TSPYL1: variants seen among roughly 807,000 people sequenced by gnomAD.
TSPYL1 encodes the protein TSPY like 1, also known as testis-specific Y-encoded-like protein 1.
In TSPYL1, 16 loss-of-function variants were observed where a neutral mutation model predicts 20.1. The ratio of observed to expected loss-of-function variants is 0.80; its 90% CI spans 0.54 to 1.21. The LOEUF is 1.21. Ranked by LOEUF, TSPYL1 falls within the 50% of genes most tolerant of loss-of-function variation. TSPYL1 has a pLI of 0.00. For synonymous variants in TSPYL1, 259 were observed against 227.1 expected (o/e 1.14, Z -1.26); for missense variants, 560 against 569.3 (o/e 0.98, Z 0.17).
Position 116,278,313 on chromosome 6 carries a change from T to G in TSPYL1, c.*204A>C, listed in dbSNP as rs965515679. 3.2e-6 allele frequency: 2 copies of G among 622,280 alleles called. No individual in the cohort carries two copies. Among genetic ancestry groups the G allele is most frequent in the East Asian group, 5.8e-5 (2 of 34,572 alleles). 38.5% of individuals were successfully genotyped at this position (622,280 alleles called of 1,614,324 possible). On this transcript the variant is annotated 3_prime_UTR_variant, in exon 1 of 1. Coordinates refer to ENST00000368608, the MANE Select transcript of TSPYL1 (RefSeq NM_003309.4). ...TAGCATGTGATATTCCAGAACAGCA[T>G]GAAGGTCATATGGAAGTGGAGAAGC...
Position 116,278,282 on chromosome 6 carries a change from A to C in TSPYL1, c.*235T>G. ...TGGCTTACAAGTAGTGTGAAGGATG[A>C]CCTCGTAGCATGTGATATTCCAGAA... On this transcript the variant is annotated 3_prime_UTR_variant, in exon 1 of 1. Transcript: ENST00000368608. 1 of 542,902 alleles carries C rather than the reference A, an allele frequency of 1.8e-6. No homozygotes were observed. The highest frequency in any genetic ancestry group is 3.3e-6 in the Non-Finnish European group (1 of 301,118). 33.6% of individuals were successfully genotyped at this position (542,902 alleles called of 1,614,324 possible). A position where few individuals can be genotyped will look rare whatever the true frequency, so the allele number is the denominator to read the frequency against.
rs760666890 is a variant in TSPYL1 at position 116,278,524 on chromosome 6, G to C, written c.1307C>G (p.Ser436Cys). Reference sequence around the variant, plus strand: ...TATTCCCAAGGGCAAATGTTAACCAGACTGGAACCCAAAGGGCCTGGGGAT... The same window carrying C: ...TATTCCCAAGGGCAAATGTTAACCACACTGGAACCCAAAGGGCCTGGGGAT... ...VEIPRPFGFQ[S>C]G The change falls in exon 1 of 1, where the codon TCT becomes TGT. Residue 436 changes from serine (S) to cysteine (C), a missense_variant. Coordinates refer to ENST00000368608, the MANE Select transcript of TSPYL1 (RefSeq NM_003309.4). The C allele has an allele frequency of 2.4e-5, 38 of 1,613,936 alleles. No individual in the cohort carries two copies. The highest frequency in any genetic ancestry group is 4.2e-6 in the Non-Finnish European group (5 of 1,180,046).
rs2114625844 is a variant in TSPYL1, at chr6:116,276,423, C to T, written c.*2094G>A. Among the ~76,000 whole-genome samples the T allele has an allele frequency of 6.6e-6, 1 of 152,170 alleles. No individual in the cohort carries two copies. Among genetic ancestry groups the T allele is most frequent in the East Asian group, 1.9e-4 (1 of 5,200 alleles). ...ACATGGAAAAAAGTGATTGAGTAAG[C>T]AGTTGCAACTGCTAACGTTTTAAGG... On this transcript the variant is annotated 3_prime_UTR_variant, in exon 1 of 1. Transcript: ENST00000368608.
Position 116,275,616 on chromosome 6 carries a change from T to C in TSPYL1, c.*2901A>G, listed in dbSNP as rs1417213780. Reference sequence around the variant, plus strand: ...GAGATGGAGACCATCCTGGCTAACATGGTGAAACCCCATCTCTACTAAAAA... The same window carrying C: ...GAGATGGAGACCATCCTGGCTAACACGGTGAAACCCCATCTCTACTAAAAA... On this transcript the variant is annotated 3_prime_UTR_variant, in exon 1 of 1. Coordinates refer to ENST00000368608, the MANE Select transcript of TSPYL1 (RefSeq NM_003309.4). Among the ~76,000 whole-genome samples, 1 of 152,094 alleles carries C rather than the reference T, an allele frequency of 6.6e-6. No homozygotes were observed. Among genetic ancestry groups the C allele is most frequent in the Non-Finnish European group, 1.5e-5 (1 of 68,004 alleles).
chr6:116,279,852 C>A lies in TSPYL1; in HGVS notation c.-22G>T, dbSNP rs373866929. The A allele has an allele frequency of 5.0e-6, 8 of 1,613,062 alleles. No homozygotes were observed. The Middle Eastern group carries it at 4.9e-4, about 100-fold the overall frequency. ...TCATGTTGCTAACAGTCGGACCAAC[C>A]GCAGGCGAACGCCCGTTTTCCTCAG... On this transcript the variant is annotated 5_prime_UTR_variant, in exon 1 of 1. Transcript: ENST00000368608.
At position 116,275,003 on chromosome 6, in the gene TSPYL1, A is replaced by G. The variant is rs766491560; in HGVS notation, c.*3514T>C. ...CAAAATGAGGATAATTAATTTTTCA[A>G]TATATTTTAACACAATGTCAAAAAT... On this transcript the variant is annotated 3_prime_UTR_variant, in exon 1 of 1. Transcript: ENST00000368608. Among the ~76,000 whole-genome samples, 15 of 152,230 alleles carry G rather than the reference A, an allele frequency of 9.9e-5. No individual in the cohort carries two copies. The highest frequency in any genetic ancestry group is 1.9e-4 in the Non-Finnish European group (13 of 68,040).
rs1477423556 is a variant in TSPYL1, at chr6:116,275,924, C to A, written c.*2593G>T. Among the ~76,000 whole-genome samples the A allele has an allele frequency of 2.6e-5, 4 of 152,054 alleles. No individual in the cohort carries two copies. Among genetic ancestry groups the A allele is most frequent in the African/African-American group, 7.2e-5 (3 of 41,386 alleles). ...CATGGGAAAAACATGAAAATATAAT[C>A]TCTGTATTTTATTTTACTGTATCAC... On this transcript the variant is annotated 3_prime_UTR_variant, in exon 1 of 1. Coordinates refer to ENST00000368608, the MANE Select transcript of TSPYL1 (RefSeq NM_003309.4).
chr6:116,279,260 C>G lies in TSPYL1; in HGVS notation c.571G>C (p.Glu191Gln). ...CCTTCTGGCGGCTGCTCCTCTACCT[C>G]CATCTGCTCCTCCATTACCTCCTTC... Reference protein sequence around the residue: ...AEKEVMEEQMEVEEQPPEGEE... With the variant: ...AEKEVMEEQMQVEEQPPEGEE... Residue 191 changes from glutamate (E) to glutamine (Q), a missense_variant, in exon 1 of 1, where the codon GAG becomes CAG. By Grantham distance (29) the Glu-to-Gln change is conservative (BLOSUM62 2). Coordinates refer to ENST00000368608, the MANE Select transcript of TSPYL1 (RefSeq NM_003309.4). 6.2e-7 allele frequency: 1 copy of G among 1,606,950 alleles called. No homozygotes were observed. The highest frequency in any genetic ancestry group is 8.5e-7 in the Non-Finnish European group (1 of 1,179,200).
Position 116,274,874 on chromosome 6 carries a change from T to G in TSPYL1, c.*3643A>C, listed in dbSNP as rs1773053160. 6.6e-6 allele frequency among the ~76,000 whole-genome samples: 1 copy of G among 152,200 alleles called. No homozygotes were observed. Among genetic ancestry groups the G allele is most frequent in the Non-Finnish European group, 1.5e-5 (1 of 68,044 alleles). On this transcript the variant is annotated 3_prime_UTR_variant, in exon 1 of 1. Transcript: ENST00000368608. The stretch of plus-strand genomic sequence containing the variant: ...TCAGGAGGAGAAAGTATTAACATGT[T>G]TAATTTTTACAGATATTTTATATGC...
Position 116,279,099 on chromosome 6 carries a change from A to C in TSPYL1, c.732T>G (p.Ala244=), listed in dbSNP as rs767941745. 1 of 1,613,814 alleles carries C rather than the reference A, an allele frequency of 6.2e-7. No homozygotes were observed. The highest frequency in any genetic ancestry group is 8.5e-7 in the Non-Finnish European group (1 of 1,179,836). Residue 244 remains alanine, a synonymous_variant, in exon 1 of 1, where the codon GCT becomes GCG. Transcript: ENST00000368608. The part of the protein sequence containing the change: ...AIQLELDTVN[A]QADRAFQQLE... ...GCTGTTGGAAGGCCCTGTCGGCCTG[A>C]GCATTCACAGTGTCCAGTTCCAGCT...
Position 116,278,896 on chromosome 6 carries a change from A to G in TSPYL1, c.935T>C (p.Leu312Pro), listed in dbSNP as rs1773300585. ...CTTGCAACCGGTTCTAGGGTGTCTG[A>G]GTTCCTTCACCTCTAAATTGGTTAT... ...RYITNLEVKE[L>P]RHPRTGCKFK... is the part of the protein sequence containing the mutation. Residue 312 changes from leucine (L) to proline (P), a missense_variant, in exon 1 of 1, where the codon CTC becomes CCC. By Grantham distance (98) the Leu-to-Pro change is moderately conservative. Transcript: ENST00000368608. The G allele has an allele frequency of 1.9e-6, 3 of 1,614,138 alleles. No homozygotes were observed. In the East Asian group the frequency reaches 6.7e-5, roughly 36 times the overall value.
At position 116,278,572 on chromosome 6, in the gene TSPYL1, C is replaced by T. The variant is rs751770322; in HGVS notation, c.1259G>A (p.Arg420His). 2 of 1,614,110 alleles carry T rather than the reference C, an allele frequency of 1.2e-6. No individual in the cohort carries two copies. The highest frequency in any genetic ancestry group is 1.7e-6 in the Non-Finnish European group (2 of 1,180,026). The change falls in exon 1 of 1, where the codon CGC becomes CAC. Residue 420 changes from arginine (R) to histidine (H), a missense_variant. Coordinates refer to ENST00000368608, the MANE Select transcript of TSPYL1 (RefSeq NM_003309.4). Reference sequence around the variant, plus strand: ...GATCTCTACAGGCTCCCTTAGCGGGCGACGTCGGGCTCTACGGACTCCTTC... The same window carrying T: ...GATCTCTACAGGCTCCCTTAGCGGGTGACGTCGGGCTCTACGGACTCCTTC... Reference protein sequence around the residue: ...LREGVRRARRRPLREPVEIPR... With the variant: ...LREGVRRARRHPLREPVEIPR...
chr6:116,278,963 A>C lies in TSPYL1; in HGVS notation c.868T>G (p.Ser290Ala). 1 of 1,614,056 alleles carries C rather than the reference A, an allele frequency of 6.2e-7. No individual in the cohort carries two copies. The highest frequency in any genetic ancestry group is 8.5e-7 in the Non-Finnish European group (1 of 1,180,026). Residue 290 changes from serine (S) to alanine (A), a missense_variant, in exon 1 of 1, where the codon TCC becomes GCC. Transcript: ENST00000368608. ...GCATCTTGGCCCCTAATCATGGCGG[A>C]CAACTGGGGGTGGTTTCGAAAAGCA... ...MTAFRNHPQLSAMIRGQDAEM... is the reference protein window; with the variant it reads ...MTAFRNHPQLAAMIRGQDAEM...
chr6:116,279,763 T>TG lies in TSPYL1; in HGVS notation c.67dup (p.Gln23ProfsTer29). Reference sequence around the variant, plus strand: ...GTGTGCGTCCTGGTCGCTCGGGACTTGGTCAGAAATAATGATGCTGTGGGT... The same window carrying TG: ...GTGTGCGTCCTGGTCGCTCGGGACTTGGGTCAGAAATAATGATGCTGTGGGT... On this transcript the variant is annotated frameshift_variant, in exon 1 of 1. Transcript: ENST00000368608. LOFTEE classifies it low-confidence loss of function (END_TRUNC). 1 of 1,612,560 alleles carries TG rather than the reference T, an allele frequency of 6.2e-7. No individual in the cohort carries two copies. The highest frequency in any genetic ancestry group is 8.5e-7 in the Non-Finnish European group (1 of 1,180,034).
Position 116,277,138 on chromosome 6 carries a change from A to G in TSPYL1, c.*1379T>C, listed in dbSNP as rs182194981. 1.6e-4 allele frequency: 25 copies of G among 152,752 alleles called. No individual in the cohort carries two copies. Among genetic ancestry groups the G allele is most frequent in the Admixed American group, 1.1e-3 (17 of 15,304 alleles). 9.5% of individuals were successfully genotyped at this position (152,752 alleles called of 1,614,324 possible). On this transcript the variant is annotated 3_prime_UTR_variant, in exon 1 of 1. Coordinates refer to ENST00000368608, the MANE Select transcript of TSPYL1 (RefSeq NM_003309.4). ...ACAGCTCAATTTTCACAATAAGTTTAGAATCAGAAAAAAAAATTTTACTAA... is the reference window on the plus strand; with the variant it reads ...ACAGCTCAATTTTCACAATAAGTTTGGAATCAGAAAAAAAAATTTTACTAA...
In TSPYL1 at chr6:116,276,142, G is replaced by T. The variant is rs1269764200; in HGVS notation, c.*2375C>A. 6.6e-6 allele frequency among the ~76,000 whole-genome samples: 1 copy of T among 152,212 alleles called. No homozygotes were observed. The highest frequency in any genetic ancestry group is 1.5e-5 in the Non-Finnish European group (1 of 68,032). On this transcript the variant is annotated 3_prime_UTR_variant, in exon 1 of 1. Coordinates refer to ENST00000368608, the MANE Select transcript of TSPYL1 (RefSeq NM_003309.4). ...ACATTTATCTCCTCTATGGGGAACA[G>T]AAAGACTTTGGCAGAGGAATTACCA...
rs1384580214 is a variant in TSPYL1 at position 116,277,313 on chromosome 6, TC to T, written c.*1203del. On this transcript the variant is annotated 3_prime_UTR_variant, in exon 1 of 1. Coordinates refer to ENST00000368608, the MANE Select transcript of TSPYL1 (RefSeq NM_003309.4). ...TTCAATTCTCCCTGAAAAGTATTTT[TC>T]CATTCATCATCATTGGGGAGTAAGT... is the stretch of plus-strand genomic sequence containing the variant. 1 of 152,662 alleles carries T rather than the reference TC, an allele frequency of 6.6e-6. No homozygotes were observed. Among genetic ancestry groups the T allele is most frequent in the Non-Finnish European group, 1.5e-5 (1 of 68,044 alleles). The allele number at this position is 152,662 out of a possible 1,614,324, so 9.5% of individuals were successfully genotyped here. A position where few individuals can be genotyped will look rare whatever the true frequency, so the allele number is the denominator to read the frequency against.
At position 116,279,663 on chromosome 6, in the gene TSPYL1, G is replaced by C; in HGVS notation, c.168C>G (p.Thr56=). 1 of 1,607,224 alleles carries C rather than the reference G, an allele frequency of 6.2e-7. No individual in the cohort carries two copies. Among genetic ancestry groups the C allele is most frequent in the Non-Finnish European group, 8.5e-7 (1 of 1,179,922 alleles). ...MAEPGEGGSE[T]VALPPPPPSE... is the part of the protein sequence containing the mutation. ...AAGGCGGTGGAGGCGGGAGCGCGAC[G>C]GTCTCCGAGCCTCCCTCACCCGGCT... The change falls in exon 1 of 1, where the codon ACC becomes ACG. Residue 56 remains threonine (T), a synonymous_variant. Transcript: ENST00000368608.
chr6:116,278,973 G>T lies in TSPYL1; in HGVS notation c.858C>A (p.His286Gln), dbSNP rs751919318. 2 of 1,613,962 alleles carry T rather than the reference G, an allele frequency of 1.2e-6. No homozygotes were observed. Among genetic ancestry groups the T allele is most frequent in the East Asian group, 4.5e-5 (2 of 44,876 alleles). The change falls in exon 1 of 1, where the codon CAC becomes CAA. Residue 286 changes from histidine (H) to glutamine (Q), a missense_variant. Coordinates refer to ENST00000368608, the MANE Select transcript of TSPYL1 (RefSeq NM_003309.4). ...CCCTAATCATGGCGGACAACTGGGG[G>T]TGGTTTCGAAAAGCAGTCATCCAGA... ...PGFWMTAFRN[H>Q]PQLSAMIRGQ...
Sources: gnomAD v4.1 joint callset for allele counts (sites outside exome capture counted in the v4.1 genomes callset) on GRCh38, gnomAD v4.1.1 for gene constraint, MANE v1.5 for transcripts, NCBI Gene and HGNC (gene_info 2026-07-23, HGNC 2026-07-21) for gene names.